The following FAM149A variants were observed in gnomAD, a reference collection of about 807,000 sequenced individuals.
The protein encoded by FAM149A is family with sequence similarity 149 member A, also known as protein FAM149A.
In FAM149A, 71 loss-of-function variants were observed where a neutral mutation model predicts 78.2. The ratio of observed to expected loss-of-function variants is 0.91; its 90% CI spans 0.75 to 1.11. The LOEUF is 1.11. Ranked by LOEUF, FAM149A falls within the 50% of genes least tolerant of loss-of-function variation. The pLI, the probability that FAM149A is intolerant of heterozygous loss-of-function variation, is 0.00. For missense variants in FAM149A, 1,036 were observed against 971.0 expected (o/e 1.07, Z -0.89); for synonymous variants, 446 against 410.5 (o/e 1.09, Z -1.04).
intron 1 of FAM149A, chr4:186,109,575 T>C (rs1002802187): frequency 1.8e-5 from 18 of 985,288 alleles, no homozygotes; most frequent in Non-Finnish European, 2.0e-5. Flanking sequence ...GTAGTTTTTC[T>C]TTCTTGATAA....
At chr4:186,167,316 T>TGAAATC in intron 13 of FAM149A, 54 bp downstream of exon 13, 1 of 1,471,224 alleles carries the variant, frequency 6.8e-7, no homozygotes, top group African/African-American at 1.4e-5. Context: ...GATTTCAAGT[T>TGAAATC]TCAGACAGTG....
chr4:186,159,411 G>A (rs1734332697), intron 8 of FAM149A, among the ~76,000 whole-genome samples: 1 of 152,074 alleles, frequency 6.6e-6, no homozygotes, highest in African/African-American at 2.4e-5. Context: ...TTCAGGCCAA[G>A]CAAAGGCGTG....
At chr4:186,160,712 C>T in intron 8 of FAM149A, 4 of 822,068 alleles carry the variant, frequency 4.9e-6, no homozygotes, top group Non-Finnish European at 4.4e-6. Flanking sequence ...CTACCACACA[C>T]CACACACACA....
intron 1 of FAM149A, among the ~76,000 whole-genome samples, chr4:186,139,234 A>G (rs1454931103): frequency 6.6e-6 from 1 of 152,108 alleles, no homozygotes; most frequent in Non-Finnish European, 1.5e-5. Flanking sequence ...AAGATGCTCC[A>G]GGTACATTTT....
intron 13 of FAM149A, among the ~76,000 whole-genome samples, chr4:186,168,286 G>A (rs538732678): frequency 7.3e-4 from 111 of 152,268 alleles, no homozygotes; most frequent in African/African-American, 2.5e-3. Context: ...CAGCATTAGC[G>A]GTCATTCACA....
chr4:186,136,293 CT>C (rs2099322671), intron 1 of FAM149A, among the ~76,000 whole-genome samples: 1 of 151,970 alleles, frequency 6.6e-6, no homozygotes. Flanking sequence ...TTAGATTATT[CT>C]TTTTTCACTT....
intron 1 of FAM149A, among the ~76,000 whole-genome samples, chr4:186,136,992 CTCTCTCTCTCTCTCTCTCTCTCTCTCTA>C (rs2099323493): frequency 7.9e-6 from 1 of 126,694 alleles, no homozygotes; most frequent in African/African-American, 2.8e-5. Flanking sequence ...CTCTCTCTCT[CTCTCTCTCTCTCTCTCTCTCTCTCTCTA>C]AGTGCTTAAA....
chr4:186,166,697 G>A (rs1173735610), intron 11 of FAM149A, among the ~76,000 whole-genome samples: 2 of 139,478 alleles, frequency 1.4e-5, no homozygotes, highest in East Asian at 2.1e-4. Context: ...TAAAAAGTCT[G>A]CTACTTCACA....
At chr4:186,125,966 A>C in intron 1 of FAM149A, 1 of 985,350 alleles carries the variant, frequency 1.0e-6, no homozygotes. Context: ...AGCTGCCCGG[A>C]GGCTGGATGA....
chr4:186,147,863 C>A (rs1178891582), intron 1 of FAM149A, among the ~76,000 whole-genome samples: 1 of 152,066 alleles, frequency 6.6e-6, no homozygotes, highest in East Asian at 1.9e-4. Flanking sequence ...CTCTGGGGCC[C>A]TTTCTTTAAC....
chr4:186,157,967 C>A (rs776323707), intron 8 of FAM149A: 12 of 1,513,184 alleles, frequency 7.9e-6, no homozygotes, highest in Non-Finnish European at 9.7e-6. Context: ...TAGGAGCCCA[C>A]GCAGGCGGCA....
Position 186,164,883 on chromosome 4 carries a change from C to G in FAM149A, c.1890-461C>G, listed in dbSNP as rs1734903283. ...TGAGGAGCCCTTTTCGACCATTCTT[C>G]CCAATTGCTCTCCCTACACATGGAA... On this transcript the variant is annotated intron_variant, in intron 10 of 13. Coordinates refer to ENST00000389354, the MANE Select transcript of FAM149A (RefSeq NM_001367768.3). This position sits in a 1 kb window ranked among gnomAD's most constrained non-coding sequence, Gnocchi z 4.0. Among the ~76,000 whole-genome samples, 1 of 152,102 alleles carries G rather than the reference C, an allele frequency of 6.6e-6. No homozygotes were observed. The highest frequency in any genetic ancestry group is 1.5e-5 in the Non-Finnish European group (1 of 68,020).
intron 1 of FAM149A, chr4:186,118,167 G>A (rs1215739867): frequency 3.0e-6 from 3 of 985,294 alleles, no homozygotes; most frequent in Non-Finnish European, 3.6e-6. Flanking sequence ...CACACACAGT[G>A]ATCACAAACT....
intron 13 of FAM149A, among the ~76,000 whole-genome samples, chr4:186,168,607 T>G (rs2126551203): frequency 6.6e-6 from 1 of 152,302 alleles, no homozygotes; most frequent in African/African-American, 2.4e-5. Flanking sequence ...CCACCCATCT[T>G]GGCCTCCCAA....
chr4:186,134,606 A>G (rs573614117), intron 1 of FAM149A, among the ~76,000 whole-genome samples: 2 of 152,300 alleles, frequency 1.3e-5, no homozygotes, highest in South Asian at 2.1e-4. Context: ...GGTATCCTGC[A>G]TTGCCCTAGA....
rs767010408 is a variant in FAM149A, at chr4:186,135,642, G to A, written c.567-13531G>A. Among the ~76,000 whole-genome samples, 5 of 152,182 alleles carry A rather than the reference G, an allele frequency of 3.3e-5. No homozygotes were observed. The South Asian group carries it at 6.2e-4, about 19-fold the overall frequency. ...TCACCGACAGCGCTGTCTATACCTC[G>A]TGCCTGAAAGCTGATCAACATACGT... On this transcript the variant is annotated intron_variant, in intron 1 of 13. Coordinates refer to ENST00000389354, the MANE Select transcript of FAM149A (RefSeq NM_001367768.3).
At position 186,144,738 on chromosome 4, in the gene FAM149A, G is replaced by GGCCGGA. The variant is rs1423584175; in HGVS notation, c.567-4430_567-4429insAGCCGG. The GGCCGGA allele has an allele frequency of 1.4e-5, 12 of 874,450 alleles. No individual in the cohort carries two copies. The African/African-American group carries it at 2.2e-4, about 16-fold the overall frequency. 54.2% of individuals were successfully genotyped at this position (874,450 alleles called of 1,614,324 possible). ...GAGGTCGGCGCGGGGCCGGGGCCGG[G>GGCCGGA]GCCGGGGCCCGGAGCGGGGATGGGC... is the stretch of plus-strand genomic sequence containing the variant. On this transcript the variant is annotated intron_variant, in intron 1 of 13. Transcript: ENST00000389354. The surrounding 1 kb of genome is among the most constrained non-coding windows in gnomAD (Gnocchi z 4.2).
chr4:186,157,461 T>C (rs1734130692), intron 7 of FAM149A, 104 bp from the exon 8 acceptor site: 3 of 1,182,018 alleles, frequency 2.5e-6, no homozygotes, highest in African/African-American at 3.0e-5. Flanking sequence ...TAGCATGGGC[T>C]CGTGGTAGCT....
intron 1 of FAM149A, chr4:186,126,019 C>T: frequency 1.0e-6 from 1 of 985,394 alleles, no homozygotes. Flanking sequence ...CCTGCCATCT[C>T]CTTCCTCCCT....
Sources: gnomAD v4.1 joint callset for allele counts (sites outside exome capture counted in the v4.1 genomes callset) on GRCh38, gnomAD v4.1.1 for gene constraint, Gnocchi (gnomAD v3.1) non-coding constraint, MANE v1.5 for transcripts, NCBI Gene and HGNC (gene_info 2026-07-23, HGNC 2026-07-21) for gene names.